The following PCDHA6 variants were observed in gnomAD, a reference collection of about 807,000 sequenced individuals.
The protein encoded by PCDHA6 is protocadherin alpha-6.
In PCDHA6, 55 loss-of-function variants were observed where a neutral mutation model predicts 60.3. That is an observed-to-expected ratio of 0.91 (90% confidence interval 0.73 to 1.14). PCDHA6 has a LOEUF of 1.14. Ranked by LOEUF, PCDHA6 falls within the 50% of genes most tolerant of loss-of-function variation. The probability of loss-of-function intolerance (pLI) is 0.00; values close to 1 mark genes in which losing one functional copy is unlikely to be tolerated. For missense variants in PCDHA6, 1,327 were observed against 1,256.5 expected (o/e 1.06, Z -0.85); for synonymous variants, 652 against 557.9 (o/e 1.17, Z -2.38).
rs546596358 is a variant in PCDHA6, at chr5:140,863,481, A to G, written c.2394+32996A>G. The G allele has an allele frequency of 1.2e-4, 54 of 468,998 alleles. No homozygotes were observed. The Middle Eastern group carries it at 1.4e-3, about 12-fold the overall frequency. The allele number at this position is 468,998 out of a possible 1,614,324, so 29.1% of individuals were successfully genotyped here. Reference sequence around the variant, plus strand: ...ATTTTACTCTGGAGAGTCGCCTCCCAAGGTCAACATTACGGCTTTTAGTCC... The same window carrying G: ...ATTTTACTCTGGAGAGTCGCCTCCCGAGGTCAACATTACGGCTTTTAGTCC... On this transcript the variant is annotated intron_variant, in intron 1 of 3. Coordinates refer to ENST00000529310, the MANE Select transcript of PCDHA6 (RefSeq NM_018909.4).
At chr5:140,908,530 T>G (rs1554193400) in intron 1 of PCDHA6, among the ~76,000 whole-genome samples, 1 of 152,148 alleles carries the variant, frequency 6.6e-6, no homozygotes, top group African/African-American at 2.4e-5. Flanking sequence ...AATGTTCAGT[T>G]TCCACCAAAG....
At position 140,870,696 on chromosome 5, in the gene PCDHA6, G is replaced by A. The variant is rs377050637; in HGVS notation, c.2394+40211G>A. The A allele has an allele frequency of 1.1e-5, 17 of 1,612,906 alleles. No individual in the cohort carries two copies. The African/African-American group carries it at 1.9e-4, about 18-fold the overall frequency. ...ACCACGAGGAGCTGGAGCTGCTACA[G>A]TTCCAGGTGAGCGCGCGCGATGCGG... On this transcript the variant is annotated intron_variant, in intron 1 of 3. Coordinates refer to ENST00000529310, the MANE Select transcript of PCDHA6 (RefSeq NM_018909.4).
intron 1 of PCDHA6, among the ~76,000 whole-genome samples, chr5:140,895,233 A>G (rs2064923914): frequency 3.3e-5 from 5 of 152,070 alleles, no homozygotes; most frequent in Admixed American, 2.6e-4. Context: ...GAGTTTTCTC[A>G]TCTCTCTTTT....
chr5:140,884,479 C>A (rs1554181619), intron 1 of PCDHA6: 2 of 1,613,914 alleles, frequency 1.2e-6, no homozygotes, highest in African/African-American at 1.3e-5. Flanking sequence ...CGGGCAAGCC[C>A]ACTCTAGTGT....
At chr5:140,879,757 C>T (rs1312451493) in intron 1 of PCDHA6, among the ~76,000 whole-genome samples, 1 of 152,212 alleles carries the variant, frequency 6.6e-6, no homozygotes, top group African/African-American at 2.4e-5. Context: ...GCTATACTCT[C>T]TTTGGAGGCC....
At chr5:140,984,643 C>G (rs1300632981) in intron 3 of PCDHA6, among the ~76,000 whole-genome samples, 3 of 152,152 alleles carry the variant, frequency 2.0e-5, no homozygotes, top group Non-Finnish European at 4.4e-5. Context: ...TCTGCCTTCT[C>G]CCTGTCCTTC....
chr5:140,933,762 T>C (rs2089409260), intron 1 of PCDHA6, among the ~76,000 whole-genome samples: 1 of 152,128 alleles, frequency 6.6e-6, no homozygotes, highest in African/African-American at 2.4e-5. Flanking sequence ...AGTGAAGCTC[T>C]CTGTACCTAC....
Position 140,918,319 on chromosome 5 carries a change from A to T in PCDHA6, c.2395-60630A>T, listed in dbSNP as rs568659309. Among the ~76,000 whole-genome samples, 8 of 152,266 alleles carry T rather than the reference A, an allele frequency of 5.3e-5. No individual in the cohort carries two copies. In the South Asian group the frequency reaches 1.7e-3, roughly 32 times the overall value. ...GAATATAGGGTTTTCTAGGTATAAAATTATATTGTCTGCTAAGAGAGATAG... is the reference window on the plus strand; with the variant it reads ...GAATATAGGGTTTTCTAGGTATAAATTTATATTGTCTGCTAAGAGAGATAG... On this transcript the variant is annotated intron_variant, in intron 1 of 3. Coordinates refer to ENST00000529310, the MANE Select transcript of PCDHA6 (RefSeq NM_018909.4).
At chr5:140,850,446 G>A (rs2150484747) in intron 1 of PCDHA6, 1 of 1,598,030 alleles carries the variant, frequency 6.3e-7, no homozygotes, top group Non-Finnish European at 8.6e-7. Context: ...ACTGGTGCTG[G>A]TGAAAGACCA....
At chr5:140,850,849 G>C (rs2150500367) in intron 1 of PCDHA6, 4 of 1,596,076 alleles carry the variant, frequency 2.5e-6, no homozygotes, top group South Asian at 2.2e-5. Context: ...TCTACAGAGC[G>C]AACGGGAGAA....
intron 1 of PCDHA6, among the ~76,000 whole-genome samples, chr5:140,917,338 G>GGGGGGGGTGGGT (rs2078134893): frequency 7.3e-6 from 1 of 137,894 alleles, no homozygotes; most frequent in Non-Finnish European, 1.6e-5. Flanking sequence ...GGAGGGGGGG[G>GGGGGGGGTGGGT]ATGGTGTAGG....
chr5:140,909,935 A>G (rs2074774035), intron 1 of PCDHA6, among the ~76,000 whole-genome samples: 1 of 152,154 alleles, frequency 6.6e-6, no homozygotes, highest in Admixed American at 6.5e-5. Flanking sequence ...AATCACAGTT[A>G]CTCTGGTAAA....
At chr5:140,997,837 T>G (rs1414415987) in intron 3 of PCDHA6, among the ~76,000 whole-genome samples, 2 of 152,222 alleles carry the variant, frequency 1.3e-5, no homozygotes, top group African/African-American at 4.8e-5. Context: ...AACAATACAA[T>G]ATACATTCTT....
intron 3 of PCDHA6, among the ~76,000 whole-genome samples, chr5:141,006,017 G>A (rs139294218): frequency 1.3e-5 from 2 of 151,190 alleles, no homozygotes; most frequent in African/African-American, 4.8e-5. Context: ...TATGGTTGGA[G>A]TATAATAGTA....
At chr5:140,876,231 A>G (rs1428769390) in intron 1 of PCDHA6, 1 of 1,613,886 alleles carries the variant, frequency 6.2e-7, no homozygotes, top group African/African-American at 1.3e-5. Context: ...TGTTGTCTGA[A>G]AATGTCCAAA....
At chr5:140,841,254 A>G in intron 1 of PCDHA6, 9 of 1,510,716 alleles carry the variant, frequency 6.0e-6, no homozygotes, top group Non-Finnish European at 7.1e-6. Context: ...GGATTAAAAG[A>G]CTCTGAAAGT....
intron 1 of PCDHA6, among the ~76,000 whole-genome samples, chr5:140,873,864 T>C (rs1275090016): frequency 6.6e-6 from 1 of 152,210 alleles, no homozygotes; most frequent in African/African-American, 2.4e-5. Context: ...TTTCACCATG[T>C]TGGCCAGGCT....
At chr5:140,850,349 G>C (rs1554144220) in intron 1 of PCDHA6, 1 of 1,597,844 alleles carries the variant, frequency 6.3e-7, no homozygotes, top group South Asian at 1.1e-5. Flanking sequence ...CGGCCAGCGC[G>C]AGCATCCCGT....
rs183542590 is a variant in PCDHA6 at position 140,969,555 on chromosome 5, C to T, written c.2395-9394C>T. On this transcript the variant is annotated intron_variant, in intron 1 of 3. Coordinates refer to ENST00000529310, the MANE Select transcript of PCDHA6 (RefSeq NM_018909.4). ...CATTTTCAGAGGCATGAAGCCTTGT[C>T]CATAAAATTGTTTGAGAAGTGAGGA... The T allele has an allele frequency of 1.2e-5, 15 of 1,213,382 alleles. 1 individual carries two copies. The highest frequency in any genetic ancestry group is 1.7e-5 in the South Asian group (1 of 59,354). The allele number at this position is 1,213,382 out of a possible 1,614,324, so 75.2% of individuals were successfully genotyped here. A position where few individuals can be genotyped will look rare whatever the true frequency, so the allele number is the denominator to read the frequency against.
Sources: gnomAD v4.1 joint callset for allele counts (sites outside exome capture counted in the v4.1 genomes callset) on GRCh38, gnomAD v4.1.1 for gene constraint, MANE v1.5 for transcripts, NCBI Gene and HGNC (gene_info 2026-07-23, HGNC 2026-07-21) for gene names.